The following RABGAP1L variants were observed in gnomAD, a reference collection of about 807,000 sequenced individuals.
The protein encoded by RABGAP1L is RAB GTPase activating protein 1 like, also known as rab GTPase-activating protein 1-like.
Under a neutral mutation model 137.7 loss-of-function variants are expected in RABGAP1L, and 63 were observed. The observed-to-expected ratio is 0.46, with a 90% confidence interval of 0.37 to 0.56. RABGAP1L has a LOEUF of 0.56. RABGAP1L is among the 20% of genes least tolerant of loss of function. The pLI is 0.00. For synonymous variants in RABGAP1L, 431 were observed against 433.7 expected (o/e 0.99, Z 0.08); for missense variants, 1,095 against 1,244.0 (o/e 0.88, Z 1.80).
At chr1:174,636,932 A>C (rs1271043682) in intron 13 of RABGAP1L, among the ~76,000 whole-genome samples, 1 of 152,234 alleles carries the variant, frequency 6.6e-6, no homozygotes, top group East Asian at 1.9e-4. Flanking sequence ...GATGGTCATT[A>C]ATAGGAGAAT....
At chr1:174,714,107 T>G (rs1046838599) in intron 17 of RABGAP1L, among the ~76,000 whole-genome samples, 3 of 152,188 alleles carry the variant, frequency 2.0e-5, no homozygotes, top group Non-Finnish European at 4.4e-5. Context: ...AACACTGGTC[T>G]TCTTTTAGTT....
chr1:174,909,178 C>CA (rs200560738), intron 19 of RABGAP1L, among the ~76,000 whole-genome samples: 34,809 of 107,030 alleles, frequency 0.33, 4,876 homozygotes, highest in East Asian at 0.43. Context: ...GACTCTATCT[C>CA]AAAAAAAAAA....
chr1:174,925,044 A>G (rs1662479213), intron 19 of RABGAP1L, among the ~76,000 whole-genome samples: 1 of 152,052 alleles, frequency 6.6e-6, no homozygotes, highest in Non-Finnish European at 1.5e-5. Flanking sequence ...ACATGGCTAG[A>G]TAGAGGGAAG....
At position 174,882,075 on chromosome 1, in the gene RABGAP1L, G is replaced by A. The variant is rs563343053; in HGVS notation, c.2340+70115G>A. Among the ~76,000 whole-genome samples the A allele has an allele frequency of 3.3e-5, 5 of 152,194 alleles. No individual in the cohort carries two copies. The East Asian group carries it at 9.7e-4, about 29-fold the overall frequency. Reference sequence around the variant, plus strand: ...GGGGTTTCTCCATGTTGGTCAGGCTGGTCTCGAACTCCTGACTTCAGTTGA... The same window carrying A: ...GGGGTTTCTCCATGTTGGTCAGGCTAGTCTCGAACTCCTGACTTCAGTTGA... On this transcript the variant is annotated intron_variant, in intron 19 of 25. Transcript: ENST00000681986.
rs186183968 is a variant in RABGAP1L at position 174,892,104 on chromosome 1, C to T, written c.2341-65353C>T. ...GAGCCTCTGCGACTACACCTCCAACCGGCCTGGAGCCCGTGGCTTCCCTGG... is the reference window on the plus strand; with the variant it reads ...GAGCCTCTGCGACTACACCTCCAACTGGCCTGGAGCCCGTGGCTTCCCTGG... On this transcript the variant is annotated intron_variant, in intron 19 of 25. Transcript: ENST00000681986. Among the ~76,000 whole-genome samples the T allele has an allele frequency of 4.6e-5, 7 of 152,324 alleles. No homozygotes were observed. The East Asian group carries it at 9.6e-4, about 21-fold the overall frequency.
intron 19 of RABGAP1L, among the ~76,000 whole-genome samples, chr1:174,835,230 G>C (rs1210542646): frequency 1.3e-5 from 2 of 152,118 alleles, no homozygotes; most frequent in African/African-American, 4.8e-5. Context: ...AAATTTGGAG[G>C]GGGGAATGAT....
chr1:174,658,678 G>C (rs1264490994), intron 14 of RABGAP1L, among the ~76,000 whole-genome samples: 1 of 151,994 alleles, frequency 6.6e-6, no homozygotes, highest in Admixed American at 6.6e-5. Flanking sequence ...CCCCACCTGG[G>C]TGGGCTTGTC....
chr1:174,250,674 A>T (rs1672642223), intron 6 of RABGAP1L, 42 bp downstream of exon 6: 1 of 1,558,092 alleles, frequency 6.4e-7, no homozygotes, highest in South Asian at 1.2e-5. Context: ...TTGTATCTGG[A>T]GTATAATATA....
At position 174,541,878 on chromosome 1, in the gene RABGAP1L, T is replaced by C. The variant is rs1665485665; in HGVS notation, c.1711-95497T>C. On this transcript the variant is annotated intron_variant, in intron 13 of 25. Transcript: ENST00000681986. The stretch of plus-strand genomic sequence containing the variant: ...TCTGTTTTTTGTCTTTGGTTCTGTT[T>C]ATATGATGGATTATGTTTATTGATT... Among the ~76,000 whole-genome samples, 3 of 152,258 alleles carry C rather than the reference T, an allele frequency of 2.0e-5. No homozygotes were observed. The South Asian group carries it at 6.2e-4, about 31-fold the overall frequency.
chr1:174,981,091 C>A (rs900607526), intron 23 of RABGAP1L, among the ~76,000 whole-genome samples: 3 of 151,958 alleles, frequency 2.0e-5, no homozygotes, highest in Non-Finnish European at 4.4e-5. Flanking sequence ...GGGTGGCCAC[C>A]AAATGCAGCA....
At chr1:174,959,992 T>A (rs547195713) in intron 20 of RABGAP1L, among the ~76,000 whole-genome samples, 1 of 152,172 alleles carries the variant, frequency 6.6e-6, no homozygotes, top group Non-Finnish European at 1.5e-5. Flanking sequence ...AATTCATAGA[T>A]CTTGGACTGG....
intron 17 of RABGAP1L, among the ~76,000 whole-genome samples, chr1:174,724,038 A>C (rs1384094772): frequency 1.3e-5 from 2 of 152,270 alleles, no homozygotes; most frequent in African/African-American, 2.4e-5. Context: ...TGTTGCTTTC[A>C]TAAGTTTGTC....
At chr1:174,578,440 C>G (rs1668521587) in intron 13 of RABGAP1L, among the ~76,000 whole-genome samples, 1 of 151,832 alleles carries the variant, frequency 6.6e-6, no homozygotes, top group African/African-American at 2.4e-5. Context: ...TCTCAAAGTG[C>G]TGGGATTACA....
chr1:174,970,220 T>C (rs1030911027), intron 21 of RABGAP1L, among the ~76,000 whole-genome samples: 1 of 152,108 alleles, frequency 6.6e-6, no homozygotes, highest in Non-Finnish European at 1.5e-5. Context: ...CCAAAGAAGG[T>C]AGCCGGATCT....
At chr1:174,187,846 C>T (rs558959030) in intron 1 of RABGAP1L, among the ~76,000 whole-genome samples, 57 of 152,128 alleles carry the variant, frequency 3.7e-4, no homozygotes, top group African/African-American at 6.3e-4. Context: ...CCCTACATAA[C>T]GTAATGATAT....
intron 7 of RABGAP1L, among the ~76,000 whole-genome samples, chr1:174,254,426 C>T (rs570615037): frequency 6.6e-6 from 1 of 152,138 alleles, no homozygotes; most frequent in East Asian, 1.9e-4. Context: ...ACCCATCAGC[C>T]CATCATCTAG....
Position 174,881,743 on chromosome 1 carries a change from G to A in RABGAP1L, c.2340+69783G>A, listed in dbSNP as rs568237749. Among the ~76,000 whole-genome samples the A allele has an allele frequency of 1.7e-3, 262 of 151,782 alleles. 2 individuals are homozygous for A. The highest frequency in any genetic ancestry group is 1.2e-3 in the Non-Finnish European group (81 of 67,924). ...TTGAACTTCTGACCTCAAGTGACCC[G>A]CCCGCCTCAGCCCCCCAAAGTGCTG... On this transcript the variant is annotated intron_variant, in intron 19 of 25. Coordinates refer to ENST00000681986, the MANE Select transcript of RABGAP1L (RefSeq NM_001366446.1).
chr1:174,735,255 C>T (rs768059408), intron 17 of RABGAP1L, among the ~76,000 whole-genome samples: 5 of 151,214 alleles, frequency 3.3e-5, no homozygotes, highest in Admixed American at 6.6e-5. Flanking sequence ...GGATTACAGG[C>T]GTGAGCCACC....
intron 14 of RABGAP1L, among the ~76,000 whole-genome samples, chr1:174,669,742 T>A (rs1677044199): frequency 6.6e-6 from 1 of 152,220 alleles, no homozygotes; most frequent in Admixed American, 6.5e-5. Context: ...GACTGTTCTT[T>A]CCACATTGTA....
Sources: allele counts gnomAD v4.1 joint callset (sites outside exome capture counted in the v4.1 genomes callset), GRCh38; gene constraint gnomAD v4.1.1; transcripts MANE v1.5; gene names NCBI Gene and HGNC (gene_info 2026-07-23, HGNC 2026-07-21).